The following WDFY4 variants were observed in gnomAD, a reference collection of about 807,000 sequenced individuals.
WDFY4 encodes WDFY family member 4, also known as WD repeat- and FYVE domain-containing protein 4.
In WDFY4, 169 loss-of-function variants were observed where a neutral mutation model predicts 351.9. The observed-to-expected ratio is 0.48, with a 90% CI of 0.42 to 0.55. The LOEUF is 0.55. WDFY4 is among the 20% of genes least tolerant of loss of function. WDFY4 has a pLI of 0.00. For missense variants in WDFY4, 3,803 were observed against 3,935.6 expected, an observed-to-expected ratio of 0.97 and a Z score of 0.90; for synonymous variants, 1,622 against 1,574.6, an observed-to-expected ratio of 1.03 and a Z score of -0.71.
At chr10:48,731,692 G>C in intron 9 of WDFY4, 130 bp downstream of exon 9, 1 of 1,124,580 alleles carries the variant, frequency 8.9e-7, no homozygotes, top group Middle Eastern at 3.1e-4. Flanking sequence ...AGGTATGCTT[G>C]GGACACACAG....
chr10:48,888,843 C>T (rs182277010), intron 43 of WDFY4, among the ~76,000 whole-genome samples: 81 of 152,324 alleles, frequency 5.3e-4, no homozygotes, highest in African/African-American at 1.8e-3. Context: ...ATGGTGTTCT[C>T]GCCAAGTTTC....
At chr10:48,846,910 C>G (rs1041085633) in intron 39 of WDFY4, among the ~76,000 whole-genome samples, 1 of 152,084 alleles carries the variant, frequency 6.6e-6, no homozygotes, top group African/African-American at 2.4e-5. Context: ...TCATAAAGCC[C>G]GAAGAAGAGA....
At chr10:48,784,733 G>A (rs1386249728) in intron 19 of WDFY4, among the ~76,000 whole-genome samples, 1 of 148,866 alleles carries the variant, frequency 6.7e-6, no homozygotes, top group Non-Finnish European at 1.5e-5. Flanking sequence ...GTAGAGATGG[G>A]TTTTCACTAT....
intron 51 of WDFY4, among the ~76,000 whole-genome samples, chr10:48,947,909 A>G (rs572081443): frequency 5.2e-4 from 79 of 152,236 alleles, no homozygotes; most frequent in Non-Finnish European, 1.0e-3. Flanking sequence ...GCAACAGGCC[A>G]CTGAACACAC....
chr10:48,894,294 T>C (rs1180216498), intron 44 of WDFY4, among the ~76,000 whole-genome samples: 1 of 152,184 alleles, frequency 6.6e-6, no homozygotes, highest in African/African-American at 2.4e-5. Flanking sequence ...GCAGAAACAG[T>C]CAGCACAGAG....
Position 48,916,980 on chromosome 10 carries a change from T to C in WDFY4, c.7586+15117T>C, listed in dbSNP as rs545006512. Among the ~76,000 whole-genome samples the C allele has an allele frequency of 2.7e-4, 41 of 152,124 alleles. No homozygotes were observed. The South Asian group carries it at 6.2e-3, about 23-fold the overall frequency. On this transcript the variant is annotated intron_variant, in intron 47 of 61. Transcript: ENST00000325239. ...CATATATGACAGTTGTCCCATAAGA[T>C]TGTGATACTATAATTTTACTTTACC...
At chr10:48,807,074 G>A (rs1394391867) in intron 27 of WDFY4, among the ~76,000 whole-genome samples, 1 of 152,212 alleles carries the variant, frequency 6.6e-6, no homozygotes, top group Non-Finnish European at 1.5e-5. Context: ...GAGATTAGGA[G>A]CTAATTGAAG....
intron 45 of WDFY4, 127 bp downstream of exon 45, chr10:48,897,701 C>T: frequency 3.6e-6 from 5 of 1,390,588 alleles, no homozygotes; most frequent in African/African-American, 1.4e-5. Flanking sequence ...GCCCAGTGCC[C>T]TTAAGGAGAC....
intron 44 of WDFY4, among the ~76,000 whole-genome samples, chr10:48,892,680 A>G (rs1836873592): frequency 6.6e-6 from 1 of 152,268 alleles, no homozygotes; most frequent in Non-Finnish European, 1.5e-5. Flanking sequence ...TGTTAAAAAT[A>G]AAGCTAAGTC....
Position 48,897,512 on chromosome 10 carries a change from T to A in WDFY4, c.7375T>A (p.Ser2459Thr), listed in dbSNP as rs938902564. ...CSKDRSTDHYSCQCHSYADMR... is the reference protein window; with the variant it reads ...CSKDRSTDHYTCQCHSYADMR... ...CAAAGACAGGTCCACTGACCATTAC[T>A]CGTGCCAGTGCCACAGCTACGCTGA... Residue 2459 changes from serine to threonine, a missense_variant, in exon 45 of 62, where the codon TCG becomes ACG. Ser to Thr is a moderately conservative substitution (Grantham distance 58, BLOSUM62 1). Coordinates refer to ENST00000325239, the MANE Select transcript of WDFY4 (RefSeq NM_001394531.1). The A allele has an allele frequency of 6.4e-7, 1 of 1,551,516 alleles. No homozygotes were observed.
At position 48,731,224 on chromosome 10, in the gene WDFY4, G is replaced by A; in HGVS notation, c.1244G>A (p.Trp415Ter). 1 of 1,551,858 alleles carries A rather than the reference G, an allele frequency of 6.4e-7. No individual in the cohort carries two copies. The highest frequency in any genetic ancestry group is 8.7e-7 in the Non-Finnish European group (1 of 1,147,028). ...VLSVIRTMWA[W>*]NARNFFLLEW... ...TCAGTCATCAGGACCATGTGGGCCT[G>A]GAATGCTCGAAACTTCTTCCTGCTG... Residue 415 changes from tryptophan (W) to a stop codon, truncating the protein, a stop_gained, in exon 9 of 62, where the codon TGG (tryptophan) becomes TAG (stop). Transcript: ENST00000325239. LOFTEE classifies it high-confidence loss of function.
intron 1 of WDFY4, among the ~76,000 whole-genome samples, chr10:48,700,520 G>A (rs971512156): frequency 5.9e-5 from 9 of 152,232 alleles, no homozygotes; most frequent in Admixed American, 2.0e-4. Flanking sequence ...TCTGTAATTG[G>A]CGTCCCATAA....
At chr10:48,901,077 C>A (rs1837327293) in intron 46 of WDFY4, among the ~76,000 whole-genome samples, 1 of 152,138 alleles carries the variant, frequency 6.6e-6, no homozygotes, top group African/African-American at 2.4e-5. Flanking sequence ...TTCTAGTGGC[C>A]CTGTGGAACT....
At chr10:48,920,404 A>G (rs1404912533) in intron 47 of WDFY4, among the ~76,000 whole-genome samples, 2 of 152,206 alleles carry the variant, frequency 1.3e-5, no homozygotes, top group Non-Finnish European at 2.9e-5. Context: ...ATTAGGAGAT[A>G]TACCTAATGT....
chr10:48,710,417 G>A (rs1255549908), intron 2 of WDFY4, among the ~76,000 whole-genome samples: 1 of 152,172 alleles, frequency 6.6e-6, no homozygotes, highest in Non-Finnish European at 1.5e-5. Context: ...TGAATTTTGG[G>A]GAGACCCTAG....
chr10:48,715,456 G>A (rs558192296), intron 2 of WDFY4, among the ~76,000 whole-genome samples: 5 of 152,314 alleles, frequency 3.3e-5, no homozygotes, highest in South Asian at 4.1e-4. Context: ...TGGTGTTTGT[G>A]TGTGTGCATA....
intron 35 of WDFY4, among the ~76,000 whole-genome samples, chr10:48,825,517 T>A (rs1000869861): frequency 1.4e-4 from 21 of 152,332 alleles, no homozygotes; most frequent in Non-Finnish European, 2.5e-4. Flanking sequence ...TAGTTCTAGA[T>A]CTTTAAGGAA....
At chr10:48,690,618 T>C (rs2063167500) in intron 1 of WDFY4, among the ~76,000 whole-genome samples, 1 of 152,118 alleles carries the variant, frequency 6.6e-6, no homozygotes, top group Non-Finnish European at 1.5e-5. Flanking sequence ...ATATGTCCTC[T>C]CTGCAGCTGG....
chr10:48,781,228 ATG>A (rs755015358), intron 19 of WDFY4, among the ~76,000 whole-genome samples: 15,404 of 149,232 alleles, frequency 0.1, 1,588 homozygotes, highest in African/African-American at 0.26. Flanking sequence ...ATATATATAT[ATG>A]TGTGTGTGTG....
Sources: gnomAD v4.1 joint callset for allele counts (sites outside exome capture counted in the v4.1 genomes callset) on GRCh38, gnomAD v4.1.1 for gene constraint, MANE v1.5 for transcripts, NCBI Gene and HGNC (gene_info 2026-07-23, HGNC 2026-07-21) for gene names.